Variants in DPRX observed in about 807,000 individuals in gnomAD.
DPRX encodes divergent-paired related homeobox, also known as divergent paired-related homeobox.
A neutral mutation model predicts 8.4 loss-of-function variants in DPRX; 11 were observed. The ratio of observed to expected loss-of-function variants is 1.31; its 90% confidence interval spans 0.82 to 2.17. The LOEUF is 2.17. DPRX is among the 30% of genes most tolerant of loss of function. The probability of loss-of-function intolerance (pLI) is 0.00; values close to 1 mark genes in which losing one functional copy is unlikely to be tolerated. For missense variants in DPRX, 211 were observed against 236.7 expected (o/e 0.89, Z 0.71); for synonymous variants, 72 against 87.0 (o/e 0.83, Z 0.96).
chr19:53,608,977 AAAG>A, the DPRX span, among the ~76,000 whole-genome samples: 1 of 68,786 alleles, frequency 1.5e-5, no homozygotes, highest in African/African-American at 7.4e-5. Context: ...AAAAAAAAGG[AAAG>A]AAAAGAAAGA....
chr19:53,616,834 G>A, the DPRX span: 1 of 1,600,652 alleles, frequency 6.2e-7, no homozygotes. Context: ...CCCGTTCTTA[G>A]CGCTTGAATG....
chr19:53,619,854 CAA>C, the DPRX span, among the ~76,000 whole-genome samples: 604 of 111,036 alleles, frequency 5.4e-3, 3 homozygotes, highest in South Asian at 0.01. Flanking sequence ...GACTCTATCT[CAA>C]AAAAAAAAAA....
chr19:53,636,224 G>C (rs1165024561), intron 2 of DPRX, among the ~76,000 whole-genome samples: 3 of 151,924 alleles, frequency 2.0e-5, no homozygotes, highest in African/African-American at 7.3e-5. Context: ...AAATTAGCCA[G>C]GCATAGTGGT....
the DPRX span, among the ~76,000 whole-genome samples, chr19:53,622,613 C>T: frequency 6.6e-6 from 1 of 152,148 alleles, no homozygotes; most frequent in Admixed American, 6.6e-5. Context: ...GCAGCAGCAA[C>T]CCAGTCTCTT....
chr19:53,610,549 G>T, the DPRX span, among the ~76,000 whole-genome samples: 2 of 152,246 alleles, frequency 1.3e-5, no homozygotes, highest in African/African-American at 4.8e-5. Context: ...AAGCTTAGCT[G>T]CAGGTTTAGT....
chr19:53,634,497 T>C, intron 1 of DPRX, 34 bp from the exon 2 acceptor site: 1 of 1,592,664 alleles, frequency 6.3e-7, no homozygotes, highest in Non-Finnish European at 8.5e-7. Context: ...GTTGTTAGCA[T>C]TTCCCATTTG....
chr19:53,620,245 A>AT, the DPRX span, among the ~76,000 whole-genome samples: 1 of 151,380 alleles, frequency 6.6e-6, no homozygotes, highest in East Asian at 2.0e-4. Flanking sequence ...GTTTTTTTGT[A>AT]TTTTTAGTAG....
chr19:53,618,715 C>CTTTTTTTTTTTT, the DPRX span, among the ~76,000 whole-genome samples: 1 of 142,782 alleles, frequency 7.0e-6, no homozygotes. Context: ...CGGAGACTTG[C>CTTTTTTTTTTTT]TCTGTCACCC....
At chr19:53,634,954 G>A (rs537564128) in intron 2 of DPRX, among the ~76,000 whole-genome samples, 4 of 152,272 alleles carry the variant, frequency 2.6e-5, no homozygotes, top group South Asian at 2.1e-4. Context: ...ACCACAGTGC[G>A]AAGGCAGCCA....
the DPRX span, among the ~76,000 whole-genome samples, chr19:53,609,368 T>A: frequency 6.9e-6 from 1 of 144,694 alleles, no homozygotes; most frequent in Admixed American, 7.4e-5. Context: ...CCCAGGAGGC[T>A]GAGGCAGGAG....
intron 2 of DPRX, among the ~76,000 whole-genome samples, chr19:53,635,753 T>C (rs1306115514): frequency 6.6e-6 from 1 of 152,146 alleles, no homozygotes; most frequent in African/African-American, 2.4e-5. Flanking sequence ...AGTACTCTTA[T>C]TGTGTTTGTT....
At chr19:53,625,012 G>A in the DPRX span, among the ~76,000 whole-genome samples, 1 of 149,960 alleles carries the variant, frequency 6.7e-6, no homozygotes, top group Non-Finnish European at 1.5e-5. Flanking sequence ...CCACTAACTA[G>A]TCAGTCATTC....
At chr19:53,631,876 G>A (rs778415106), upstream of DPRX, among the ~76,000 whole-genome samples, 1 of 152,060 alleles carries the variant, frequency 6.6e-6, no homozygotes, top group Non-Finnish European at 1.5e-5. Context: ...TTGTGGACTC[G>A]CCTTTGAGTC....
At chr19:53,623,180 G>C in the DPRX span, among the ~76,000 whole-genome samples, 234 of 152,036 alleles carry the variant, frequency 1.5e-3, no homozygotes, top group African/African-American at 5.5e-3. Flanking sequence ...GGTGGCAGGC[G>C]CCTGTAGTCC....
At chr19:53,625,305 G>A in the DPRX span, among the ~76,000 whole-genome samples, 7 of 151,898 alleles carry the variant, frequency 4.6e-5, no homozygotes, top group East Asian at 5.8e-4. Flanking sequence ...CTCCCGCCTC[G>A]GCCTCTCACT....
chr19:53,609,796 C>A, the DPRX span, among the ~76,000 whole-genome samples: 247 of 152,006 alleles, frequency 1.6e-3, no homozygotes, highest in Non-Finnish European at 3.0e-3. Context: ...ACCAGCCTGG[C>A]CAACATGGTG....
chr19:53,631,145 G>T (rs2091091113), upstream of DPRX, among the ~76,000 whole-genome samples: 1 of 151,554 alleles, frequency 6.6e-6, no homozygotes, highest in Non-Finnish European at 1.5e-5. Flanking sequence ...CCTGTAATTA[G>T]CCAGGCTTGG....
the DPRX span, among the ~76,000 whole-genome samples, chr19:53,622,100 A>G: frequency 2.0e-5 from 3 of 152,060 alleles, no homozygotes; most frequent in Non-Finnish European, 4.4e-5. Flanking sequence ...CTAGTCTATA[A>G]TCCATTCTTT....
At chr19:53,626,461 G>A in the DPRX span, among the ~76,000 whole-genome samples, 27 of 152,302 alleles carry the variant, frequency 1.8e-4, no homozygotes, top group Admixed American at 5.2e-4. Context: ...CTACTGAGGA[G>A]GCTGATCGCT....
Sources: gnomAD v4.1 joint callset for allele counts (sites outside exome capture counted in the v4.1 genomes callset) on GRCh38, gnomAD v4.1.1 for gene constraint, MANE v1.5 for transcripts, NCBI Gene and HGNC (gene_info 2026-07-23, HGNC 2026-07-21) for gene names.